FAF1: variants seen among roughly 807,000 people sequenced by gnomAD.
The protein encoded by FAF1 is FAS-associated factor 1.
FAF1 carries 25 observed loss-of-function variants against 92.5 expected under a neutral mutation model. The ratio of observed to expected loss-of-function variants is 0.27; its 90% confidence interval spans 0.20 to 0.38. The LOEUF (loss-of-function observed/expected upper bound fraction) is 0.38. Ranked by LOEUF, FAF1 falls within the 10% of genes least tolerant of loss-of-function variation. The pLI, the probability that FAF1 is intolerant of heterozygous loss-of-function variation, is 1.00. For missense variants in FAF1, 636 were observed against 793.3 expected (o/e 0.80, Z 2.38); for synonymous variants, 234 against 273.2 (o/e 0.86, Z 1.42).
At chr1:50,484,072 A>G (rs1200797181) in intron 17 of FAF1, among the ~76,000 whole-genome samples, 1 of 152,200 alleles carries the variant, frequency 6.6e-6, no homozygotes, top group Admixed American at 6.5e-5. Flanking sequence ...ACAATATAAT[A>G]TAGCCATATA....
At chr1:50,915,479 A>G (rs2124726638) in intron 1 of FAF1, among the ~76,000 whole-genome samples, 1 of 152,284 alleles carries the variant, frequency 6.6e-6, no homozygotes, top group South Asian at 2.1e-4. Context: ...AAAATAGTCA[A>G]CCACTTAGAC....
chr1:50,695,150 G>T (rs1001958238), intron 7 of FAF1, among the ~76,000 whole-genome samples: 10 of 152,056 alleles, frequency 6.6e-5, no homozygotes, highest in Non-Finnish European at 1.5e-4. Context: ...GCTCAAGTCT[G>T]TAATCCCAGC....
chr1:50,688,861 CAT>C (rs1447701091), intron 7 of FAF1, among the ~76,000 whole-genome samples: 3 of 152,028 alleles, frequency 2.0e-5, no homozygotes, highest in African/African-American at 7.2e-5. Context: ...AAAATTCTAT[CAT>C]GTGCTACAAC....
chr1:50,868,586 A>G (rs1644501837), intron 1 of FAF1, among the ~76,000 whole-genome samples: 1 of 152,068 alleles, frequency 6.6e-6, no homozygotes, highest in African/African-American at 2.4e-5. Context: ...ACATCTCACA[A>G]ATTTTTATAT....
intron 7 of FAF1, among the ~76,000 whole-genome samples, chr1:50,662,686 T>A (rs1655432150): frequency 5.7e-5 from 1 of 17,456 alleles, no homozygotes; most frequent in Non-Finnish European, 1.2e-4. Context: ...TTTGTATCTT[T>A]TTTTTTTTTT....
chr1:50,545,248 A>G (rs924385327), intron 13 of FAF1, among the ~76,000 whole-genome samples: 9 of 152,190 alleles, frequency 5.9e-5, no homozygotes, highest in Non-Finnish European at 1.3e-4. Flanking sequence ...AAAATTACAC[A>G]TATTGAATTT....
intron 6 of FAF1, among the ~76,000 whole-genome samples, chr1:50,730,263 T>C (rs1658861542): frequency 6.6e-6 from 1 of 152,100 alleles, no homozygotes; most frequent in Admixed American, 6.6e-5. Context: ...TATTTCATTG[T>C]TTATTTTGAA....
intron 3 of FAF1, among the ~76,000 whole-genome samples, chr1:50,790,502 A>C (rs1382895785): frequency 6.6e-6 from 1 of 152,074 alleles, no homozygotes; most frequent in Non-Finnish European, 1.5e-5. Context: ...CATAGGAGGC[A>C]CTCAAATATT....
At chr1:50,549,816 T>C (rs1430106908) in intron 13 of FAF1, among the ~76,000 whole-genome samples, 3 of 151,838 alleles carry the variant, frequency 2.0e-5, no homozygotes, top group East Asian at 3.9e-4. Flanking sequence ...AGACACAGAC[T>C]TGCTATATTG....
chr1:50,951,101 G>A (rs890301108), intron 1 of FAF1, among the ~76,000 whole-genome samples: 2 of 152,174 alleles, frequency 1.3e-5, no homozygotes, highest in African/African-American at 4.8e-5. Flanking sequence ...GGATGTGGTG[G>A]CACACGCCTG....
At chr1:50,661,457 G>A (rs1655372331) in intron 7 of FAF1, among the ~76,000 whole-genome samples, 1 of 152,078 alleles carries the variant, frequency 6.6e-6, no homozygotes, top group African/African-American at 2.4e-5. Context: ...TAGATTTTCT[G>A]AATTAAGATA....
chr1:50,494,116 T>A (rs1646872250), intron 15 of FAF1, among the ~76,000 whole-genome samples: 1 of 152,228 alleles, frequency 6.6e-6, no homozygotes, highest in Non-Finnish European at 1.5e-5. Context: ...TTTATCATGG[T>A]CATAGCTTCT....
At chr1:50,850,428 TAC>T (rs1003696077) in intron 2 of FAF1, among the ~76,000 whole-genome samples, 5 of 152,150 alleles carry the variant, frequency 3.3e-5, no homozygotes, top group African/African-American at 1.2e-4. Context: ...CAGATGTATG[TAC>T]ACAAAGATTA....
chr1:50,952,159 C>A (rs1645219632), intron 1 of FAF1, among the ~76,000 whole-genome samples: 1 of 152,238 alleles, frequency 6.6e-6, no homozygotes, highest in Admixed American at 6.5e-5. Context: ...TGATGCCCAG[C>A]CGAGGCTGGA....
intron 1 of FAF1, among the ~76,000 whole-genome samples, chr1:50,959,095 A>G (rs1645294757): frequency 6.6e-6 from 1 of 152,236 alleles, no homozygotes; most frequent in South Asian, 2.1e-4. Context: ...AAAGGACACC[A>G]ACCAAGCAAT....
chr1:50,906,139 C>T (rs1644836226), intron 1 of FAF1, among the ~76,000 whole-genome samples: 2 of 152,130 alleles, frequency 1.3e-5, no homozygotes, highest in African/African-American at 4.8e-5. Flanking sequence ...ATAGGGAATC[C>T]TTTCCCCATT....
intron 7 of FAF1, among the ~76,000 whole-genome samples, chr1:50,697,669 T>C: frequency 6.6e-6 from 1 of 152,144 alleles, no homozygotes; most frequent in East Asian, 1.9e-4. Flanking sequence ...CTTGCAGCTG[T>C]AAAACCCTAG....
At chr1:50,687,745 A>G (rs77780318) in intron 7 of FAF1, among the ~76,000 whole-genome samples, 12 of 134,242 alleles carry the variant, frequency 8.9e-5, no homozygotes, top group African/African-American at 3.1e-4. Flanking sequence ...CATTTCAAAG[A>G]AAAAAAAAAA....
At chr1:50,629,487 A>T (rs774996003) in intron 8 of FAF1, among the ~76,000 whole-genome samples, 1 of 152,166 alleles carries the variant, frequency 6.6e-6, no homozygotes, top group South Asian at 2.1e-4. Context: ...AGATTCTTTA[A>T]GGAAAATCTC....
Sources: gnomAD v4.1 joint callset for allele counts (sites outside exome capture counted in the v4.1 genomes callset) on GRCh38, gnomAD v4.1.1 for gene constraint, MANE v1.5 for transcripts, NCBI Gene and HGNC (gene_info 2026-07-23, HGNC 2026-07-21) for gene names.